The following MIGA2 variants were observed in gnomAD, a reference collection of about 807,000 sequenced individuals.
The protein encoded by MIGA2 is family with sequence similarity 73, member B.
Under a neutral mutation model 69.9 loss-of-function variants are expected in MIGA2, and 36 were observed. That is an observed-to-expected ratio of 0.52 (90% CI 0.39 to 0.68). MIGA2 has a LOEUF of 0.68. MIGA2 is among the 30% of genes least tolerant of loss of function. MIGA2 has a pLI of 0.00. For synonymous variants in MIGA2, 333 were observed against 349.2 expected (o/e 0.95, Z 0.52); for missense variants, 660 against 787.7 (o/e 0.84, Z 1.94).
rs61426484 is a variant in MIGA2 at position 129,039,175 on chromosome 9, TTGTGTGTGTGTG to T, written c.-143-1243_-143-1232del. ...TACGTAGCGTGGAGTAGCTCTTTGT[TTGTGTGTGTGTG>T]TGTGTGTGTGTGTGTGTGTGTGTGT... On this transcript the variant is annotated intron_variant, in intron 1 of 15. Transcript: ENST00000684074. Among the ~76,000 whole-genome samples the T allele has an allele frequency of 9.9e-3, 1,389 of 139,996 alleles. 15 individuals are homozygous for T. Among genetic ancestry groups the T allele is most frequent in the African/African-American group, 0.029 (1,104 of 37,912 alleles). 91.8% of individuals were successfully genotyped at this position (139,996 alleles called of 152,430 possible).
chr9:129,065,085 A>C (rs568914245), intron 11 of MIGA2, among the ~76,000 whole-genome samples: 1 of 150,060 alleles, frequency 6.7e-6, no homozygotes, highest in Non-Finnish European at 1.5e-5. Context: ...ACCTGTCCTC[A>C]ATCTTTTTTT....
chr9:129,060,542 C>A lies in MIGA2; in HGVS notation c.794-8C>A. 1 of 1,584,496 alleles carries A rather than the reference C, an allele frequency of 6.3e-7. No homozygotes were observed. Among genetic ancestry groups the A allele is most frequent in the South Asian group, 1.1e-5 (1 of 87,048 alleles). On this transcript the variant is annotated splice_polypyrimidine_tract_variant and splice_region_variant and intron_variant, in intron 7 of 15. Coordinates refer to ENST00000684074, the MANE Select transcript of MIGA2 (RefSeq NM_001329990.2). This position sits in a 1 kb window ranked among gnomAD's most constrained non-coding sequence, Gnocchi z 4.8. ...CTCAGCCCCGCTTTCTCTCACTGCT[C>A]TTCCCAGAGAGGACCCTCATGCTGC...
intron 6 of MIGA2, among the ~76,000 whole-genome samples, chr9:129,058,919 C>T (rs1051184663): frequency 1.3e-5 from 2 of 152,144 alleles, no homozygotes; most frequent in East Asian, 3.8e-4. Flanking sequence ...CTTTTTGGTG[C>T]CGTGTTTGAA....
rs17485821 is a variant in MIGA2 at position 129,048,104 on chromosome 9, C to T, written c.308-323C>T. Among the ~76,000 whole-genome samples, 510 of 152,322 alleles carry T rather than the reference C, an allele frequency of 3.3e-3. 1 individual carries two copies. The highest frequency in any genetic ancestry group is 0.012 in the African/African-American group (493 of 41,582). On this transcript the variant is annotated intron_variant, in intron 3 of 15. Transcript: ENST00000684074. Reference sequence around the variant, plus strand: ...AATTCTAAACCATTCTCTCAATCAGCAGCCCAGAGAAGGCTAAGCAAGGAG... The same window carrying T: ...AATTCTAAACCATTCTCTCAATCAGTAGCCCAGAGAAGGCTAAGCAAGGAG...
At chr9:129,042,588 C>T (rs1309514323) in intron 3 of MIGA2, 74 bp downstream of exon 3, 3 of 1,449,262 alleles carry the variant, frequency 2.1e-6, no homozygotes, top group Non-Finnish European at 2.8e-6. Context: ...GGGTCACTCT[C>T]TACTTGGGGA....
rs376338242 is a variant in MIGA2 at position 129,057,606 on chromosome 9, AT to A, written c.676-1545del. ...GTGCCTGGCCCAATGATTTCCTTTC[AT>A]TTATTTATTTATTTTGAGACAGAGT... On this transcript the variant is annotated intron_variant, in intron 6 of 15. Transcript: ENST00000684074. 5.2e-3 allele frequency among the ~76,000 whole-genome samples: 722 copies of A among 140,134 alleles called. 5 individuals are homozygous for A. Among genetic ancestry groups the A allele is most frequent in the African/African-American group, 0.017 (639 of 37,308 alleles). 91.9% of individuals were successfully genotyped at this position (140,134 alleles called of 152,430 possible).
Position 129,059,121 on chromosome 9 carries a change from G to A in MIGA2, c.676-33G>A. Reference sequence around the variant, plus strand: ...GGCCATTTTCATCGGGAGCTTTGAGGGTCTGGGTTGAGGGTCCTTGTTTTT... The same window carrying A: ...GGCCATTTTCATCGGGAGCTTTGAGAGTCTGGGTTGAGGGTCCTTGTTTTT... On this transcript the variant is annotated intron_variant, in intron 6 of 15. Transcript: ENST00000684074. This position sits in a 1 kb window ranked among gnomAD's most constrained non-coding sequence, Gnocchi z 5.6. 1.3e-6 allele frequency: 2 copies of A among 1,596,906 alleles called. No homozygotes were observed. Among genetic ancestry groups the A allele is most frequent in the Non-Finnish European group, 1.7e-6 (2 of 1,165,152 alleles).
rs1359838076 is a variant in MIGA2 at position 129,060,563 on chromosome 9, G to A, written c.807G>A (p.Met269Ile). The part of the protein sequence containing the change: ...SMLLDLERTL[M>I]LPLTEGSLRL... ...TGCTCTTCCCAGAGAGGACCCTCAT[G>A]CTGCCCCTGACCGAGGGCTCGCTGC... The change falls in exon 8 of 16, where the codon ATG becomes ATA. Residue 269 changes from methionine (M) to isoleucine (I), a missense_variant. This residue lies in a region of MIGA2 where 386 missense variants were observed against 402.0 expected (regional missense o/e 0.96). Coordinates refer to ENST00000684074, the MANE Select transcript of MIGA2 (RefSeq NM_001329990.2). The surrounding 1 kb of genome is among the most constrained non-coding windows in gnomAD (Gnocchi z 4.8). 1.3e-6 allele frequency: 2 copies of A among 1,598,856 alleles called. No homozygotes were observed. The highest frequency in any genetic ancestry group is 3.4e-5 in the Admixed American group (2 of 58,348).
chr9:129,062,913 C>T (rs1846141178), intron 9 of MIGA2, among the ~76,000 whole-genome samples: 1 of 152,172 alleles, frequency 6.6e-6, no homozygotes, highest in Non-Finnish European at 1.5e-5. Context: ...TGATCTGCCA[C>T]ATCTGCTGTC....
chr9:129,051,732 G>T (rs187437703), intron 6 of MIGA2, among the ~76,000 whole-genome samples: 1 of 151,108 alleles, frequency 6.6e-6, no homozygotes, highest in Admixed American at 6.6e-5. Context: ...CAGTAGCTGG[G>T]ACTACAGGTG....
rs1271755869 is a variant in MIGA2, at chr9:129,069,313, TC to T, written c.1458+186del. ...CCCTGGAGGCTCGTGTAGACCCACT[TC>T]CTCTCCTCCCCAGGCCCAGCACAGA... On this transcript the variant is annotated intron_variant, in intron 14 of 15. Transcript: ENST00000684074. This position sits in a 1 kb window ranked among gnomAD's most constrained non-coding sequence, Gnocchi z 4.9. 1 of 684,850 alleles carries T rather than the reference TC, an allele frequency of 1.5e-6. No individual in the cohort carries two copies. Among genetic ancestry groups the T allele is most frequent in the African/African-American group, 1.8e-5 (1 of 56,326 alleles). The allele number at this position is 684,850 out of a possible 1,614,324, so 42.4% of individuals were successfully genotyped here.
At position 129,063,314 on chromosome 9, in the gene MIGA2, G is replaced by A. The variant is rs751769942; in HGVS notation, c.1081G>A (p.Glu361Lys). ...GCTGCACTGTGTGCGGCAGGCCTTC[G>A]AGGTGGGTGTGGCCTGGGGGTTCCT... The part of the protein sequence containing the change: ...AKLHCVRQAF[E>K]GLLEDKSNQL... The change falls in exon 10 of 16, where the codon GAG becomes AAG. Residue 361 changes from glutamate (E) to lysine (K), a missense_variant and splice_region_variant. Glu to Lys is a moderately conservative substitution (Grantham distance 56, BLOSUM62 1). Around this residue, in one of 3 missense-constraint regions of MIGA2, gnomAD observed 386 missense variants for 402.0 expected, o/e 0.96. Coordinates refer to ENST00000684074, the MANE Select transcript of MIGA2 (RefSeq NM_001329990.2). 26 of 1,614,018 alleles carry A rather than the reference G, an allele frequency of 1.6e-5. No individual in the cohort carries two copies. Among genetic ancestry groups the A allele is most frequent in the Non-Finnish European group, 2.0e-5 (24 of 1,180,012 alleles).
At position 129,068,968 on chromosome 9, in the gene MIGA2, G is replaced by T; in HGVS notation, c.1405-108G>T. The T allele has an allele frequency of 7.8e-7, 1 of 1,274,244 alleles. No individual in the cohort carries two copies. The highest frequency in any genetic ancestry group is 1.1e-6 in the Non-Finnish European group (1 of 875,556). 78.9% of individuals were successfully genotyped at this position (1,274,244 alleles called of 1,614,324 possible). A position where few individuals can be genotyped will look rare whatever the true frequency, so the allele number is the denominator to read the frequency against. On this transcript the variant is annotated intron_variant, in intron 13 of 15. Transcript: ENST00000684074. This position sits in a 1 kb window ranked among gnomAD's most constrained non-coding sequence, Gnocchi z 4.1. The stretch of plus-strand genomic sequence containing the variant: ...GGCACCTGGCCCCATCTTCCTGCTT[G>T]GAGTGGGGTGAGCTGGGTTTAAGGG...
rs547392311 is a variant in MIGA2 at position 129,053,451 on chromosome 9, T to C, written c.675+3488T>C. On this transcript the variant is annotated intron_variant, in intron 6 of 15. Coordinates refer to ENST00000684074, the MANE Select transcript of MIGA2 (RefSeq NM_001329990.2). ...CAATCTTGGCTCACTGCAACTTCTG[T>C]CTCCCAGGTTCAAGCGATTCTCCTG... Among the ~76,000 whole-genome samples, 8 of 151,046 alleles carry C rather than the reference T, an allele frequency of 5.3e-5. No individual in the cohort carries two copies. The East Asian group carries it at 1.4e-3, about 26-fold the overall frequency.
In MIGA2 at chr9:129,042,477, T is replaced by A; in HGVS notation, c.270T>A (p.Pro90=). 6.3e-7 allele frequency: 1 copy of A among 1,597,504 alleles called. No homozygotes were observed. Among genetic ancestry groups the A allele is most frequent in the African/African-American group, 1.3e-5 (1 of 74,678 alleles). ...AGCAGCTGGGCACGGTGCCCCTCCC[T>A]ATCCTCTTGGCCAGGAAGGTCCCTT... The part of the protein sequence containing the change: ...GGEQLGTVPL[P]ILLARKVPSV... The change falls in exon 3 of 16, where the codon CCT becomes CCA. Residue 90 remains proline, a synonymous_variant. Coordinates refer to ENST00000684074, the MANE Select transcript of MIGA2 (RefSeq NM_001329990.2).
intron 3 of MIGA2, among the ~76,000 whole-genome samples, chr9:129,047,752 C>A (rs1425679844): frequency 6.6e-6 from 1 of 151,708 alleles, no homozygotes; most frequent in East Asian, 1.9e-4. Flanking sequence ...ATATTTGAGA[C>A]AGGGTCTCAC....
intron 15 of MIGA2, 77 bp downstream of exon 15, chr9:129,070,042 A>G: frequency 1.5e-6 from 2 of 1,342,652 alleles, no homozygotes; most frequent in South Asian, 2.7e-5. Flanking sequence ...CAGGAATGGG[A>G]TGAGGGCCTG....
intron 11 of MIGA2, among the ~76,000 whole-genome samples, chr9:129,065,351 T>A (rs1030102898): frequency 1.4e-5 from 2 of 143,132 alleles, no homozygotes; most frequent in Non-Finnish European, 3.1e-5. Context: ...ATCTATAGGA[T>A]TTTTTTTTTT....
At chr9:129,063,941 C>T (rs773754712) in intron 11 of MIGA2, among the ~76,000 whole-genome samples, 6 of 152,154 alleles carry the variant, frequency 3.9e-5, no homozygotes, top group Non-Finnish European at 8.8e-5. Flanking sequence ...GCCTCCATTC[C>T]CTGATGGAGG....
Sources: gnomAD v4.1 joint callset for allele counts (sites outside exome capture counted in the v4.1 genomes callset) on GRCh38, gnomAD v4.1.1 for gene constraint, gnomAD v4.1.1 regional missense constraint, Gnocchi (gnomAD v3.1) non-coding constraint, MANE v1.5 for transcripts, NCBI Gene and HGNC (gene_info 2026-07-23, HGNC 2026-07-21) for gene names.